The following PLA2G5 variants were observed in gnomAD, a reference collection of about 807,000 sequenced individuals.
The protein encoded by PLA2G5 is phospholipase A2 group V, also known as Ca2+-dependent phospholipase A2.
Under a neutral mutation model 15.9 loss-of-function variants are expected in PLA2G5, and 12 were observed. The observed-to-expected ratio is 0.76, with a 90% CI of 0.48 to 1.23. The LOEUF is 1.23. PLA2G5 is among the 50% of genes most tolerant of loss of function. The probability of loss-of-function intolerance (pLI) is 0.00; values close to 1 mark genes in which losing one functional copy is unlikely to be tolerated. For synonymous variants in PLA2G5, 71 were observed against 71.4 expected (o/e 0.99, Z 0.03); for missense variants, 169 against 177.1 (o/e 0.95, Z 0.26).
chr1:20,088,315 G>A (rs951249809), intron 3 of PLA2G5, among the ~76,000 whole-genome samples: 16 of 151,822 alleles, frequency 1.1e-4, no homozygotes, highest in Admixed American at 5.2e-4. Context: ...AGCTGAGATC[G>A]CGCCATTGCA....
chr1:20,038,639 C>A (rs564231513), intron 1 of PLA2G5, among the ~76,000 whole-genome samples: 2 of 152,076 alleles, frequency 1.3e-5, no homozygotes, highest in Non-Finnish European at 2.9e-5. Context: ...ATTAACTGGG[C>A]ATGGTGGTAA....
chr1:20,057,196 A>T (rs2014477134), intron 1 of PLA2G5, among the ~76,000 whole-genome samples: 1 of 151,556 alleles, frequency 6.6e-6, no homozygotes, highest in Admixed American at 6.6e-5. Context: ...TTGATGTCCT[A>T]TTTTCAATTT....
Position 20,090,981 on chromosome 1 carries a change from C to A in PLA2G5, c.*289C>A, listed in dbSNP as rs2016540437. 3.1e-6 allele frequency: 1 copy of A among 325,076 alleles called. No homozygotes were observed. Among genetic ancestry groups the A allele is most frequent in the South Asian group, 6.9e-5 (1 of 14,536 alleles). 20.1% of individuals were successfully genotyped at this position (325,076 alleles called of 1,614,324 possible). ...ACTCAGGGTTGGCTGTGTCTCTTTT[C>A]TTCTCTGAAGACAGCGTCCTGGCTC... is the stretch of plus-strand genomic sequence containing the variant. On this transcript the variant is annotated 3_prime_UTR_variant, in exon 5 of 5. Coordinates refer to ENST00000375108, the MANE Select transcript of PLA2G5 (RefSeq NM_000929.3).
rs201430948 is a variant in PLA2G5 at position 20,059,136 on chromosome 1, A to G, written n.277-496A>G. Among the ~76,000 whole-genome samples the G allele has an allele frequency of 5.3e-5, 8 of 151,424 alleles. No individual in the cohort carries two copies. In the East Asian group the frequency reaches 1.6e-3, roughly 29 times the overall value. On this transcript the variant is annotated intron_variant and non_coding_transcript_variant, in intron 1 of 6. Coordinates refer to the PLA2G5 transcript ENST00000460175. ...AGACTGTCTCAAAAAAAAAAAAAAA[A>G]AAAAGGGCTCACATGACCGAGTGTG...
upstream of PLA2G5, among the ~76,000 whole-genome samples, chr1:20,069,734 T>G (rs2015246419): frequency 6.6e-6 from 1 of 150,694 alleles, no homozygotes; most frequent in Non-Finnish European, 1.5e-5. Context: ...TTAAAGAACT[T>G]TCTAGATTAA....
At chr1:20,076,422 C>T (rs1175248990) in intron 1 of PLA2G5, among the ~76,000 whole-genome samples, 2 of 152,212 alleles carry the variant, frequency 1.3e-5, no homozygotes, top group Non-Finnish European at 2.9e-5. Flanking sequence ...ACGTGACACT[C>T]TGGTTAGATG....
At chr1:20,057,436 T>G (rs2100443345) in intron 1 of PLA2G5, among the ~76,000 whole-genome samples, 1 of 152,272 alleles carries the variant, frequency 6.6e-6, no homozygotes. Flanking sequence ...TTAACATAGC[T>G]ACTCCAGCTT....
chr1:20,078,166 C>T (rs2015789673), intron 1 of PLA2G5, among the ~76,000 whole-genome samples: 1 of 152,050 alleles, frequency 6.6e-6, no homozygotes, highest in Non-Finnish European at 1.5e-5. Context: ...GATGAGTGCC[C>T]TGAAGGACTG....
chr1:20,060,270 T>TTTTTTTTTTTTTTTG (rs1557735724), intron 2 of PLA2G5, among the ~76,000 whole-genome samples: 1 of 135,244 alleles, frequency 7.4e-6, no homozygotes, highest in Non-Finnish European at 1.6e-5. Flanking sequence ...TTTTTTTTTT[T>TTTTTTTTTTTTTTTG]TGAGACAGAG....
intron 1 of PLA2G5, 80 bp from the exon 2 acceptor site, chr1:20,084,741 T>A (rs2020886): frequency 0.32 from 286,715 of 897,788 alleles, 48,216 homozygotes; most frequent in Middle Eastern, 0.35. Flanking sequence ...TGGGGCCTGG[T>A]GGAGAGCCAG....
Position 20,089,869 on chromosome 1 carries a change from G to T in PLA2G5, c.266G>T (p.Arg89Ile). 1 of 1,613,950 alleles carries T rather than the reference G, an allele frequency of 6.2e-7. No homozygotes were observed. The highest frequency in any genetic ancestry group is 1.1e-5 in the South Asian group (1 of 91,062). The change falls in exon 4 of 5, where the codon AGA (arginine) becomes ATA (isoleucine). Residue 89 changes from arginine (R) to isoleucine (I), a missense_variant. Transcript: ENST00000375108. ...CNIRTQSYKY[R>I]FAWGVVTCEP... ...ATTCGCACACAGTCCTACAAATACA[G>T]ATTCGCGTGGGGCGTGGTCACCTGC...
upstream of PLA2G5, among the ~76,000 whole-genome samples, chr1:20,069,806 G>A (rs11573190): frequency 0.078 from 11,796 of 152,118 alleles, 669 homozygotes; most frequent in East Asian, 0.25. Flanking sequence ...ATTCTGGATC[G>A]GAAAAAAGCC....
upstream of PLA2G5, among the ~76,000 whole-genome samples, chr1:20,068,554 C>T (rs902604805): frequency 6.6e-6 from 1 of 150,574 alleles, no homozygotes; most frequent in African/African-American, 2.4e-5. Context: ...TGGGTTCAAG[C>T]GATTCTCCTG....
intron 1 of PLA2G5, among the ~76,000 whole-genome samples, chr1:20,035,948 C>G (rs560765116): frequency 6.6e-6 from 1 of 152,304 alleles, no homozygotes; most frequent in Non-Finnish European, 1.5e-5. Context: ...GGCAAATTCT[C>G]TCAGCATTTG....
At chr1:20,051,008 T>C (rs2014153840) in intron 1 of PLA2G5, among the ~76,000 whole-genome samples, 1 of 152,200 alleles carries the variant, frequency 6.6e-6, no homozygotes, top group African/African-American at 2.4e-5. Flanking sequence ...TGGTATGTGT[T>C]CCGAAATCAT....
intron 3 of PLA2G5, 33 bp from the exon 4 acceptor site, chr1:20,089,756 C>G: frequency 6.3e-7 from 1 of 1,577,264 alleles, no homozygotes; most frequent in Non-Finnish European, 8.7e-7. Context: ...GGGCACCCCT[C>G]CCACTCGGGA....
At chr1:20,042,791 C>G (rs1774144) in intron 1 of PLA2G5, among the ~76,000 whole-genome samples, 133,269 of 152,048 alleles carry the variant, frequency 0.88, 59,428 homozygotes, top group East Asian at 1. Flanking sequence ...AGCAGGGAGA[C>G]CACGTGTGTT....
intron 1 of PLA2G5, among the ~76,000 whole-genome samples, chr1:20,075,534 G>T (rs1229554691): frequency 2.0e-5 from 3 of 152,244 alleles, no homozygotes; most frequent in African/African-American, 4.8e-5. Context: ...GCACAGAGCA[G>T]TTAAGAAAGT....
chr1:20,085,361 G>T (rs528660046), intron 2 of PLA2G5, among the ~76,000 whole-genome samples: 1 of 152,038 alleles, frequency 6.6e-6, no homozygotes. Context: ...TACAACCCCC[G>T]ACAGGCTGTC....
Sources: gnomAD v4.1 joint callset for allele counts (sites outside exome capture counted in the v4.1 genomes callset) on GRCh38, gnomAD v4.1.1 for gene constraint, MANE v1.5 for transcripts, NCBI Gene and HGNC (gene_info 2026-07-23, HGNC 2026-07-21) for gene names.